SEPHS1: variants seen among roughly 807,000 people sequenced by gnomAD.
SEPHS1 encodes selenophosphate synthetase 1, also known as zincore component SEPHS1.
A neutral mutation model predicts 39.2 loss-of-function variants in SEPHS1; 7 were observed. The ratio of observed to expected loss-of-function variants is 0.18; its 90% confidence interval spans 0.10 to 0.34. SEPHS1 has a LOEUF of 0.34. Among genes scored for constraint, SEPHS1 ranks in the 10% least tolerant of loss-of-function variants. The pLI is 1.00. For missense variants in SEPHS1, 253 were observed against 514.5 expected, an observed-to-expected ratio of 0.49 and a Z score of 4.92; for synonymous variants, 190 against 195.5, an observed-to-expected ratio of 0.97 and a Z score of 0.23.
chr10:13,346,663 C>A (rs530489043), intron 1 of SEPHS1, among the ~76,000 whole-genome samples: 4 of 151,982 alleles, frequency 2.6e-5, no homozygotes, highest in African/African-American at 9.7e-5. Flanking sequence ...ACAAAAACAA[C>A]AAAGTCCTTT....
intron 7 of SEPHS1, among the ~76,000 whole-genome samples, chr10:13,326,289 C>T (rs1429625942): frequency 6.6e-6 from 1 of 152,086 alleles, no homozygotes; most frequent in Non-Finnish European, 1.5e-5. Flanking sequence ...GCCTGGCCAA[C>T]ATGGTGAAAA....
chr10:13,342,594 C>CA (rs1207019931), intron 2 of SEPHS1, among the ~76,000 whole-genome samples: 8 of 151,532 alleles, frequency 5.3e-5, no homozygotes, highest in Non-Finnish European at 1.0e-4. Flanking sequence ...TCAACAACAA[C>CA]AAAAAAAAGG....
chr10:13,332,570 G>A (rs1379954729), intron 5 of SEPHS1, among the ~76,000 whole-genome samples: 4 of 152,158 alleles, frequency 2.6e-5, no homozygotes, highest in Non-Finnish European at 5.9e-5. Flanking sequence ...TCAGCCGGGC[G>A]CGGTGGCTCA....
rs1355492112 is a variant in SEPHS1, at chr10:13,329,574, G to A, written c.651+124C>T. On this transcript the variant is annotated intron_variant, in intron 6 of 8. Transcript: ENST00000327347. ...TGAACAATTCCTAGGATTTCTTTAA[G>A]GACTTGACTAATATTAACTCCCTGG... The A allele has an allele frequency of 1.2e-5, 8 of 655,626 alleles. No homozygotes were observed. In the East Asian group the frequency reaches 2.3e-4, roughly 19 times the overall value. The allele number at this position is 655,626 out of a possible 1,614,324, so 40.6% of individuals were successfully genotyped here. A position where few individuals can be genotyped will look rare whatever the true frequency, so the allele number is the denominator to read the frequency against.
At chr10:13,342,590 A>G (rs1163998953) in intron 2 of SEPHS1, among the ~76,000 whole-genome samples, 1 of 152,228 alleles carries the variant, frequency 6.6e-6, no homozygotes, top group Non-Finnish European at 1.5e-5. Context: ...CATCTCAACA[A>G]CAACAAAAAA....
At position 13,319,071 on chromosome 10, in the gene SEPHS1, A is replaced by T; in HGVS notation, c.*71T>A. ...ACACAATGAGATTTTTGTTGTTTATAGTCTTTAATTGAAGTGATAAGGGAA... is the reference window on the plus strand; with the variant it reads ...ACACAATGAGATTTTTGTTGTTTATTGTCTTTAATTGAAGTGATAAGGGAA... On this transcript the variant is annotated 3_prime_UTR_variant, in exon 9 of 9. Transcript: ENST00000327347. 6.8e-7 allele frequency: 1 copy of T among 1,470,918 alleles called. No homozygotes were observed. Among genetic ancestry groups the T allele is most frequent in the South Asian group, 1.2e-5 (1 of 84,556 alleles). 91.1% of individuals were successfully genotyped at this position (1,470,918 alleles called of 1,614,324 possible). A position where few individuals can be genotyped will look rare whatever the true frequency, so the allele number is the denominator to read the frequency against.
chr10:13,322,013 T>C (rs570802744), intron 8 of SEPHS1: 2 of 454,656 alleles, frequency 4.4e-6, no homozygotes, highest in Non-Finnish European at 8.8e-6. Flanking sequence ...CTACGCTTGC[T>C]CCATCTCCCG....
chr10:13,341,604 C>T lies in SEPHS1; in HGVS notation c.194-2796G>A, dbSNP rs150662955. On this transcript the variant is annotated intron_variant, in intron 2 of 8. Transcript: ENST00000327347. ...ACATTTAAAAGCTGTTTTGGTTAAC[C>T]CTTCAATTAACACCATTTTTGAAGC... 3.9e-3 allele frequency among the ~76,000 whole-genome samples: 594 copies of T among 152,146 alleles called. 3 individuals carry two copies. Among genetic ancestry groups the T allele is most frequent in the Non-Finnish European group, 7.1e-3 (483 of 68,010 alleles).
At chr10:13,339,948 T>C (rs11818582) in intron 2 of SEPHS1, among the ~76,000 whole-genome samples, 13,758 of 152,222 alleles carry the variant, frequency 0.09, 2,024 homozygotes, top group African/African-American at 0.31. Context: ...AGGGGGATGC[T>C]GTACTTCTAC....
In SEPHS1 at chr10:13,335,201, G is replaced by A. The variant is rs368327647; in HGVS notation, c.405+1042C>T. ...GCAGCAAGGGCACAGAATGCTAGGC[G>A]ATGACACAGAGGCGTGAGCCCCTGG... is the stretch of plus-strand genomic sequence containing the variant. On this transcript the variant is annotated intron_variant, in intron 4 of 8. Transcript: ENST00000327347. 1.3e-4 allele frequency among the ~76,000 whole-genome samples: 20 copies of A among 152,302 alleles called. No homozygotes were observed. The East Asian group carries it at 2.9e-3, about 22-fold the overall frequency.
intron 2 of SEPHS1, among the ~76,000 whole-genome samples, chr10:13,339,779 G>A (rs1564452207): frequency 6.6e-6 from 1 of 152,142 alleles, no homozygotes; most frequent in Non-Finnish European, 1.5e-5. Flanking sequence ...CCAATACGAT[G>A]TGAATGCGAT....
intron 4 of SEPHS1, 43 bp downstream of exon 4, chr10:13,336,200 G>T (rs773881714): frequency 7.2e-6 from 10 of 1,392,354 alleles, no homozygotes; most frequent in Non-Finnish European, 1.0e-5. Context: ...AGATGCCACC[G>T]GGACAACACG....
At chr10:13,323,684 A>G (rs1159657207) in intron 7 of SEPHS1, among the ~76,000 whole-genome samples, 2 of 151,986 alleles carry the variant, frequency 1.3e-5, no homozygotes, top group Non-Finnish European at 2.9e-5. Flanking sequence ...GGCCTTGCTC[A>G]GTATCAAGGT....
chr10:13,323,176 G>A (rs1833165833), intron 7 of SEPHS1, 129 bp from the exon 8 acceptor site: 4 of 763,792 alleles, frequency 5.2e-6, no homozygotes, highest in Non-Finnish European at 8.6e-6. Flanking sequence ...AAAACGCAAT[G>A]TAAAATCAAC....
Position 13,338,820 on chromosome 10 carries a change from G to C in SEPHS1, c.194-12C>G. On this transcript the variant is annotated splice_polypyrimidine_tract_variant and intron_variant, in intron 2 of 8. Transcript: ENST00000327347. ...ATCCATTCCAATGCCTGTGGAGATG[G>C]AAGTCATTAGCATCCAAAAATAAAA... 1 of 1,583,548 alleles carries C rather than the reference G, an allele frequency of 6.3e-7. No individual in the cohort carries two copies. Among genetic ancestry groups the C allele is most frequent in the East Asian group, 2.2e-5 (1 of 44,772 alleles).
chr10:13,338,474 G>A (rs777835433), intron 3 of SEPHS1, among the ~76,000 whole-genome samples: 8 of 152,214 alleles, frequency 5.3e-5, no homozygotes, highest in Non-Finnish European at 8.8e-5. Flanking sequence ...TGCAACAGCA[G>A]CAGAGGGCCT....
chr10:13,333,980 GA>G lies in SEPHS1; in HGVS notation c.406-10del. On this transcript the variant is annotated splice_polypyrimidine_tract_variant and intron_variant, in intron 4 of 8. Coordinates refer to ENST00000327347, the MANE Select transcript of SEPHS1 (RefSeq NM_012247.5). ...ATCACTTTATCCCTTTCCTAAGGTT[GA>G]AAAAGGTACAAATAAAAAGTCAAAG... 1 of 1,596,372 alleles carries G rather than the reference GA, an allele frequency of 6.3e-7. No homozygotes were observed. The highest frequency in any genetic ancestry group is 8.5e-7 in the Non-Finnish European group (1 of 1,175,080).
intron 1 of SEPHS1, 109 bp downstream of exon 1, chr10:13,347,891 G>C (rs1264604053): frequency 6.9e-6 from 1 of 145,296 alleles, no homozygotes; most frequent in African/African-American, 2.5e-5. Flanking sequence ...GCGGCTCCCC[G>C]GCGGTCCCGG....
chr10:13,325,155 T>C (rs1403800527), intron 7 of SEPHS1, among the ~76,000 whole-genome samples: 1 of 152,236 alleles, frequency 6.6e-6, no homozygotes, highest in African/African-American at 2.4e-5. Context: ...CAGAAGTTTT[T>C]TATATTAATA....
Sources: allele counts gnomAD v4.1 joint callset (sites outside exome capture counted in the v4.1 genomes callset), GRCh38; gene constraint gnomAD v4.1.1; transcripts MANE v1.5; gene names NCBI Gene and HGNC (gene_info 2026-07-23, HGNC 2026-07-21).